PHLDB2: variants seen among roughly 807,000 people sequenced by gnomAD.
PHLDB2 encodes pleckstrin homology-like domain family B member 2.
Under a neutral mutation model 123.6 loss-of-function variants are expected in PHLDB2, and 71 were observed. The ratio of observed to expected loss-of-function variants is 0.57; its 90% CI spans 0.47 to 0.70. PHLDB2 has a LOEUF of 0.70. Ranked by LOEUF, PHLDB2 falls within the 30% of genes least tolerant of loss-of-function variation. PHLDB2 has a pLI of 0.00. For missense variants in PHLDB2, 1,446 were observed against 1,519.5 expected (o/e 0.95, Z 0.80); for synonymous variants, 547 against 541.6 (o/e 1.01, Z -0.14).
intron 3 of PHLDB2, chr3:111,917,697 A>AC (rs1332178345): frequency 8.5e-5 from 13 of 152,226 alleles, no homozygotes; most frequent in South Asian, 2.1e-4. Flanking sequence ...GTCCTAACAA[A>AC]CCTGAGGTAC....
intron 1 of PHLDB2, among the ~76,000 whole-genome samples, chr3:111,739,847 A>C (rs2059573800): frequency 6.6e-6 from 1 of 152,012 alleles, no homozygotes; most frequent in African/African-American, 2.4e-5. Context: ...CGAACCAAAA[A>C]GGCAGGTTTT....
At chr3:111,864,126 A>G (rs908875313) in intron 1 of PHLDB2, among the ~76,000 whole-genome samples, 4 of 152,192 alleles carry the variant, frequency 2.6e-5, no homozygotes, top group African/African-American at 9.7e-5. Flanking sequence ...AGCCAAGTAC[A>G]TAGTGATATA....
chr3:111,883,562 C>A (rs2066036107), intron 1 of PHLDB2, among the ~76,000 whole-genome samples: 1 of 152,160 alleles, frequency 6.6e-6, no homozygotes, highest in Non-Finnish European at 1.5e-5. Context: ...TCTTCTAACC[C>A]TCATGTTATT....
chr3:111,812,952 C>T (rs879497463), intron 1 of PHLDB2, among the ~76,000 whole-genome samples: 2 of 152,148 alleles, frequency 1.3e-5, no homozygotes, highest in Non-Finnish European at 2.9e-5. Flanking sequence ...TCCCCCATAG[C>T]ATTATCACAT....
intron 1 of PHLDB2, among the ~76,000 whole-genome samples, chr3:111,812,702 G>A (rs561355912): frequency 6.6e-6 from 1 of 152,336 alleles, no homozygotes; most frequent in African/African-American, 2.4e-5. Flanking sequence ...AGAGAACTCA[G>A]ATTGGAGCTT....
chr3:111,759,483 C>T (rs1455512689), intron 1 of PHLDB2, among the ~76,000 whole-genome samples: 1 of 152,108 alleles, frequency 6.6e-6, no homozygotes, highest in Non-Finnish European at 1.5e-5. Context: ...ACATTTAGAC[C>T]ACAACATTGA....
chr3:111,962,044 A>T, intron 12 of PHLDB2, 64 bp from the exon 13 acceptor site: 1 of 1,443,996 alleles, frequency 6.9e-7, no homozygotes, highest in Non-Finnish European at 9.5e-7. Context: ...TTGTGTCTGT[A>T]GATGTTTAAG....
intron 1 of PHLDB2, among the ~76,000 whole-genome samples, chr3:111,831,023 A>AAGAAAAGAAAG: frequency 9.4e-6 from 1 of 105,934 alleles, no homozygotes; most frequent in Non-Finnish European, 2.1e-5. Context: ...GAAAGAAAGA[A>AAGAAAAGAAAG]AGAAAGAAAG....
intron 1 of PHLDB2, among the ~76,000 whole-genome samples, chr3:111,735,827 G>T (rs1263584481): frequency 6.6e-6 from 1 of 151,986 alleles, no homozygotes; most frequent in East Asian, 1.9e-4. Flanking sequence ...ACAAACCTCT[G>T]CAACTTGCCC....
At chr3:111,804,638 C>T (rs931854821) in intron 1 of PHLDB2, among the ~76,000 whole-genome samples, 1 of 152,204 alleles carries the variant, frequency 6.6e-6, no homozygotes, top group African/African-American at 2.4e-5. Context: ...CTACTTTACT[C>T]CATGTGGATG....
At chr3:111,960,883 A>G (rs1421153011) in intron 12 of PHLDB2, among the ~76,000 whole-genome samples, 3 of 152,236 alleles carry the variant, frequency 2.0e-5, no homozygotes, top group Non-Finnish European at 2.9e-5. Context: ...TTGTTAATCA[A>G]TATGATGCCT....
rs11418818 is a variant in PHLDB2 at position 111,807,946 on chromosome 3, G to GTTTTTTT, written c.-48-37863_-48-37857dup. Among the ~76,000 whole-genome samples, 11 of 86,420 alleles carry GTTTTTTT rather than the reference G, an allele frequency of 1.3e-4. 2 individuals are homozygous for GTTTTTTT. The highest frequency in any genetic ancestry group is 4.2e-4 in the African/African-American group (11 of 26,310). The allele number at this position is 86,420 out of a possible 152,430, so 56.7% of individuals were successfully genotyped here. A position where few individuals can be genotyped will look rare whatever the true frequency, so the allele number is the denominator to read the frequency against. On this transcript the variant is annotated intron_variant, in intron 1 of 17. Transcript: ENST00000393923. The stretch of plus-strand genomic sequence containing the variant: ...GGACCATTTTATAAATAAGCTGGGT[G>GTTTTTTT]TTTTTTTTTTTTTTTTTTGCCTAAT...
intron 12 of PHLDB2, chr3:111,958,868 A>T: frequency 2.5e-6 from 1 of 395,448 alleles, no homozygotes; most frequent in South Asian, 1.9e-5. Context: ...AAGTAGATGC[A>T]TTCCACTTCC....
chr3:111,941,481 A>G (rs2069880272), intron 8 of PHLDB2, among the ~76,000 whole-genome samples: 1 of 152,200 alleles, frequency 6.6e-6, no homozygotes, highest in Non-Finnish European at 1.5e-5. Context: ...ATAAATGAGT[A>G]TTCATTCCCT....
intron 1 of PHLDB2, among the ~76,000 whole-genome samples, chr3:111,813,673 T>C (rs11921211): frequency 0.013 from 2,009 of 152,244 alleles, 38 homozygotes; most frequent in African/African-American, 0.045. Context: ...TATAAACCAA[T>C]TGGAAAAACT....
upstream of PHLDB2, among the ~76,000 whole-genome samples, chr3:111,858,658 C>A (rs901447123): frequency 1.3e-5 from 2 of 152,168 alleles, no homozygotes; most frequent in Non-Finnish European, 2.9e-5. Flanking sequence ...CCCTGCAGCA[C>A]CAGTATCATT....
chr3:111,883,403 G>A (rs2066026803), intron 1 of PHLDB2, among the ~76,000 whole-genome samples: 1 of 152,106 alleles, frequency 6.6e-6, no homozygotes, highest in Non-Finnish European at 1.5e-5. Flanking sequence ...GGATATAACA[G>A]TTTCAGGTTT....
chr3:111,909,892 G>C (rs1356477500), intron 2 of PHLDB2, among the ~76,000 whole-genome samples: 3 of 152,126 alleles, frequency 2.0e-5, no homozygotes, highest in Non-Finnish European at 2.9e-5. Flanking sequence ...TTTTAGCAAA[G>C]ATTACACCTG....
intron 1 of PHLDB2, among the ~76,000 whole-genome samples, chr3:111,765,586 G>T (rs1438621631): frequency 6.6e-6 from 1 of 152,162 alleles, no homozygotes; most frequent in African/African-American, 2.4e-5. Flanking sequence ...ATGTATTCAG[G>T]TCAGAGCAAG....
Sources: gnomAD v4.1 joint callset for allele counts (sites outside exome capture counted in the v4.1 genomes callset) on GRCh38, gnomAD v4.1.1 for gene constraint, MANE v1.5 for transcripts, NCBI Gene and HGNC (gene_info 2026-07-23, HGNC 2026-07-21) for gene names.